The following KLHL6 variants were observed in gnomAD, a reference collection of about 807,000 sequenced individuals.
KLHL6 encodes the protein kelch like family member 6, also known as kelch-like protein 6.
Under a neutral mutation model 58.6 loss-of-function variants are expected in KLHL6, and 41 were observed. The ratio of observed to expected loss-of-function variants is 0.70; its 90% CI spans 0.55 to 0.91. The LOEUF is 0.91. Among genes scored for constraint, KLHL6 ranks in the 40% least tolerant of loss-of-function variants. The pLI is 0.00. For synonymous variants in KLHL6, 338 were observed against 322.7 expected (o/e 1.05, Z -0.51); for missense variants, 714 against 805.6 (o/e 0.89, Z 1.38).
chr3:183,555,378 T>C lies in KLHL6; in HGVS notation c.276A>G (p.Ala92=), dbSNP rs1479112673. 1 of 1,614,066 alleles carries C rather than the reference T, an allele frequency of 6.2e-7. No homozygotes were observed. Among genetic ancestry groups the C allele is most frequent in the Admixed American group, 1.7e-5 (1 of 60,010 alleles). Residue 92 remains alanine, a synonymous_variant, in exon 1 of 7, where the codon GCA becomes GCG. Coordinates refer to ENST00000341319, the MANE Select transcript of KLHL6 (RefSeq NM_130446.4). ...ATGCTGACCTGAAATAGTTGCTGGC[T>C]GCGGCAAGCACCACGCGGTGGCAGG... ...EFSCHRVVLA[A]ASNYFRAMFC...
intron 2 of KLHL6, among the ~76,000 whole-genome samples, chr3:183,519,524 G>T (rs890669762): frequency 1.3e-5 from 2 of 152,122 alleles, no homozygotes; most frequent in Admixed American, 1.3e-4. Flanking sequence ...ACTTTCCTGT[G>T]TCACTACCTA....
At chr3:183,544,239 TAGAAGTTAAATACAGTAAA>T (rs1262230872) in intron 1 of KLHL6, among the ~76,000 whole-genome samples, 2 of 145,762 alleles carry the variant, frequency 1.4e-5, no homozygotes, top group Non-Finnish European at 3.0e-5. Context: ...ACGTTTTCCA[TAGAAGTTAAATACAGTAAA>T]AGAATGCTAA....
intron 3 of KLHL6, among the ~76,000 whole-genome samples, chr3:183,503,276 A>G (rs1444563202): frequency 6.6e-6 from 1 of 152,234 alleles, no homozygotes; most frequent in Non-Finnish European, 1.5e-5. Flanking sequence ...CACATCACAC[A>G]TGTCAGAGTA....
intron 2 of KLHL6, 35 bp from the exon 3 acceptor site, chr3:183,508,543 A>C (rs2108674832): frequency 6.3e-7 from 1 of 1,583,710 alleles, no homozygotes; most frequent in East Asian, 2.2e-5. Context: ...GGAGGCCAGA[A>C]AATGGTGAGT....
At chr3:183,534,929 T>C (rs1712309510) in intron 1 of KLHL6, among the ~76,000 whole-genome samples, 1 of 110,914 alleles carries the variant, frequency 9.0e-6, no homozygotes, top group Non-Finnish European at 1.9e-5. Flanking sequence ...TATGCATATA[T>C]ATACATATAT....
chr3:183,508,375 A>G lies in KLHL6; in HGVS notation c.593T>C (p.Ile198Thr), dbSNP rs754238186. ...SLKKQVQSYIIQNFVQILNSE... is the reference protein window; with the variant it reads ...SLKKQVQSYITQNFVQILNSE... ...GTTCAGAATCTGCACAAAGTTTTGA[A>G]TGATGTAACTCTGAACCTGCTTCTT... Residue 198 changes from isoleucine to threonine, a missense_variant, in exon 3 of 7, where the codon ATT (isoleucine) becomes ACT (threonine). Transcript: ENST00000341319. The G allele has an allele frequency of 3.7e-6, 6 of 1,614,218 alleles. No individual in the cohort carries two copies. Among genetic ancestry groups the G allele is most frequent in the Non-Finnish European group, 5.1e-6 (6 of 1,180,038 alleles).
intron 1 of KLHL6, among the ~76,000 whole-genome samples, chr3:183,535,265 G>T (rs1712328202): frequency 6.6e-6 from 1 of 152,172 alleles, no homozygotes; most frequent in African/African-American, 2.4e-5. Context: ...TATACTTAAA[G>T]CATCTCAGTG....
In KLHL6 at chr3:183,491,309, C is replaced by T. The variant is rs1459078742; in HGVS notation, c.*618G>A. 6.6e-6 allele frequency: 1 copy of T among 152,236 alleles called. No individual in the cohort carries two copies. The highest frequency in any genetic ancestry group is 1.9e-4 in the East Asian group (1 of 5,186). 9.4% of individuals were successfully genotyped at this position (152,236 alleles called of 1,614,324 possible). On this transcript the variant is annotated 3_prime_UTR_variant, in exon 7 of 7. Transcript: ENST00000341319. ...ATTTTTAGTAGAGACGGGGCGGTCTCACCATGTTGGCCAGGCTGGTCTTGA... is the reference window on the plus strand; with the variant it reads ...ATTTTTAGTAGAGACGGGGCGGTCTTACCATGTTGGCCAGGCTGGTCTTGA...
In KLHL6 at chr3:183,543,870, G is replaced by A. The variant is rs74285593; in HGVS notation, c.293+11491C>T. Among the ~76,000 whole-genome samples the A allele has an allele frequency of 8.0e-4, 121 of 152,188 alleles. 1 individual carries two copies. In the East Asian group the frequency reaches 0.022, roughly 27 times the overall value. ...AGTTTTGGTTTGATTGTGTTTTAAAGCCGTAGCACCAGGCCGGGTGTGGTG... is the reference window on the plus strand; with the variant it reads ...AGTTTTGGTTTGATTGTGTTTTAAAACCGTAGCACCAGGCCGGGTGTGGTG... On this transcript the variant is annotated intron_variant, in intron 1 of 6. Coordinates refer to ENST00000341319, the MANE Select transcript of KLHL6 (RefSeq NM_130446.4).
chr3:183,528,027 T>C lies in KLHL6; in HGVS notation c.294-17A>G. On this transcript the variant is annotated splice_polypyrimidine_tract_variant and intron_variant, in intron 1 of 6. Transcript: ENST00000341319. ...AACATGGCCCTGGAAGAGAAATGTG[T>C]GAATGTGAATCGTGCCGAGACCCTT... 1 of 1,613,944 alleles carries C rather than the reference T, an allele frequency of 6.2e-7. No homozygotes were observed. Among genetic ancestry groups the C allele is most frequent in the South Asian group, 1.1e-5 (1 of 91,070 alleles).
intron 1 of KLHL6, among the ~76,000 whole-genome samples, chr3:183,533,499 G>C (rs1712227269): frequency 6.6e-6 from 1 of 151,316 alleles, no homozygotes; most frequent in Admixed American, 6.6e-5. Context: ...GTGAACTCTG[G>C]GGCTCAAGAG....
chr3:183,510,427 G>A (rs529199154), intron 2 of KLHL6, among the ~76,000 whole-genome samples: 1 of 152,038 alleles, frequency 6.6e-6, no homozygotes, highest in Admixed American at 6.6e-5. Context: ...GGTTGATAGT[G>A]GGGCAGGACT....
chr3:183,506,176 TG>T (rs2108672916), intron 3 of KLHL6, among the ~76,000 whole-genome samples: 1 of 152,354 alleles, frequency 6.6e-6, no homozygotes, highest in South Asian at 2.1e-4. Context: ...GTGTACAAAC[TG>T]TTAACAAACT....
At chr3:183,548,922 A>G (rs1712814647) in intron 1 of KLHL6, 2 of 151,596 alleles carry the variant, frequency 1.3e-5, no homozygotes, top group South Asian at 2.1e-4. Flanking sequence ...GCATGTTCTC[A>G]CTCATAAGTG....
chr3:183,553,570 C>A (rs116757832), intron 1 of KLHL6, among the ~76,000 whole-genome samples: 1 of 152,182 alleles, frequency 6.6e-6, no homozygotes, highest in African/African-American at 2.4e-5. Flanking sequence ...CGTGAAAGCA[C>A]GTGATCAAGG....
chr3:183,546,648 C>T (rs1374642026), intron 1 of KLHL6, among the ~76,000 whole-genome samples: 1 of 152,176 alleles, frequency 6.6e-6, no homozygotes, highest in Non-Finnish European at 1.5e-5. Flanking sequence ...TTCCTCTTCT[C>T]GAATAAGCCA....
rs1010370898 is a variant in KLHL6 at position 183,549,666 on chromosome 3, G to A, written c.293+5695C>T. ...TGGGACTACAGGCATGTGCCACCAC[G>A]CCCAGCTAATTTTTTGTATTTTTAG... On this transcript the variant is annotated intron_variant, in intron 1 of 6. Transcript: ENST00000341319. Among the ~76,000 whole-genome samples the A allele has an allele frequency of 5.3e-5, 8 of 152,202 alleles. No individual in the cohort carries two copies. The East Asian group carries it at 5.8e-4, about 11-fold the overall frequency.
chr3:183,541,014 C>T (rs1164200860), intron 1 of KLHL6, among the ~76,000 whole-genome samples: 1 of 152,208 alleles, frequency 6.6e-6, no homozygotes, highest in African/African-American at 2.4e-5. Context: ...ACCTCCAGGA[C>T]TCTGTGGCTT....
At chr3:183,494,922 G>T (rs1717674470) in intron 4 of KLHL6, among the ~76,000 whole-genome samples, 1 of 152,124 alleles carries the variant, frequency 6.6e-6, no homozygotes, top group African/African-American at 2.4e-5. Context: ...TTTCTTGAAG[G>T]CAACTCTCTT....
Sources: allele counts gnomAD v4.1 joint callset (sites outside exome capture counted in the v4.1 genomes callset), GRCh38; gene constraint gnomAD v4.1.1; transcripts MANE v1.5; gene names NCBI Gene and HGNC (gene_info 2026-07-23, HGNC 2026-07-21).